Variants in CXCL13 observed in about 807,000 individuals in gnomAD.
CXCL13 encodes the protein C-X-C motif chemokine ligand 13.
In CXCL13, 7 loss-of-function variants were observed where a neutral mutation model predicts 12.2. The observed-to-expected ratio is 0.57, with a 90% CI of 0.33 to 1.07. The LOEUF (loss-of-function observed/expected upper bound fraction) is 1.07, where lower values mean the gene tolerates loss of function less well. Ranked by LOEUF, CXCL13 falls within the 50% of genes least tolerant of loss-of-function variation. The pLI is 0.04. For missense variants in CXCL13, 113 were observed against 127.4 expected (o/e 0.89, Z 0.55); for synonymous variants, 47 against 42.4 (o/e 1.11, Z -0.42).
At chr4:77,558,113 A>G (rs527549630) in intron 1 of CXCL13, among the ~76,000 whole-genome samples, 255 of 152,322 alleles carry the variant, frequency 1.7e-3, no homozygotes, top group African/African-American at 5.4e-3. Flanking sequence ...TTAGAAACCA[A>G]TACTATCTAT....
intron 1 of CXCL13, among the ~76,000 whole-genome samples, chr4:77,550,055 C>A (rs1025588753): frequency 2.6e-5 from 4 of 152,234 alleles, no homozygotes; most frequent in Non-Finnish European, 4.4e-5. Flanking sequence ...ATGGCGGACA[C>A]CCCTCTCCCA....
chr4:77,604,093 G>A (rs1169667648), upstream of CXCL13, among the ~76,000 whole-genome samples: 1 of 152,190 alleles, frequency 6.6e-6, no homozygotes, highest in Non-Finnish European at 1.5e-5. Flanking sequence ...GGCAAGGAGT[G>A]CAGTTAGCTG....
intron 1 of CXCL13, among the ~76,000 whole-genome samples, chr4:77,561,607 G>A (rs1560526597): frequency 6.6e-6 from 1 of 152,218 alleles, no homozygotes; most frequent in South Asian, 2.1e-4. Flanking sequence ...GCTTTCTGTT[G>A]CAGATGCAGC....
intron 1 of CXCL13, among the ~76,000 whole-genome samples, chr4:77,537,739 T>C (rs1356664883): frequency 6.6e-6 from 1 of 152,156 alleles, no homozygotes; most frequent in Admixed American, 6.5e-5. Flanking sequence ...ACTCCAGTTT[T>C]CCTTTGCATA....
At chr4:77,513,942 C>T (rs1312328714) in intron 1 of CXCL13, among the ~76,000 whole-genome samples, 1 of 152,072 alleles carries the variant, frequency 6.6e-6, no homozygotes, top group Non-Finnish European at 1.5e-5. Context: ...TCTCCCAGTG[C>T]TATCGCTCCC....
intron 1 of CXCL13, among the ~76,000 whole-genome samples, chr4:77,547,411 C>T (rs898893225): frequency 6.6e-6 from 1 of 152,154 alleles, no homozygotes; most frequent in Admixed American, 6.5e-5. Context: ...AATCTGGATG[C>T]TCCTGTATTG....
At chr4:77,600,153 A>G (rs1238523936) in intron 1 of CXCL13, among the ~76,000 whole-genome samples, 3 of 152,024 alleles carry the variant, frequency 2.0e-5, no homozygotes, top group African/African-American at 7.2e-5. Flanking sequence ...GGAGGCCTCT[A>G]TGAAGAAATG....
intron 1 of CXCL13, among the ~76,000 whole-genome samples, chr4:77,598,694 C>T (rs953052462): frequency 1.3e-5 from 2 of 152,144 alleles, no homozygotes; most frequent in African/African-American, 4.8e-5. Context: ...AACTTTTCTT[C>T]GTTATACACT....
At chr4:77,603,561 T>C (rs1726937152), upstream of CXCL13, among the ~76,000 whole-genome samples, 1 of 152,114 alleles carries the variant, frequency 6.6e-6, no homozygotes, top group African/African-American at 2.4e-5. Flanking sequence ...GATCAACAGG[T>C]TTCAAAAAGG....
intron 1 of CXCL13, among the ~76,000 whole-genome samples, chr4:77,517,377 T>C (rs1724451133): frequency 6.6e-6 from 1 of 152,180 alleles, no homozygotes; most frequent in Non-Finnish European, 1.5e-5. Context: ...ACTTTCTGTC[T>C]CATTGATCTG....
chr4:77,535,016 G>A (rs1178480188), intron 1 of CXCL13, among the ~76,000 whole-genome samples: 1 of 152,150 alleles, frequency 6.6e-6, no homozygotes, highest in African/African-American at 2.4e-5. Flanking sequence ...AAGATTACTG[G>A]AATTACAAAA....
intron 1 of CXCL13, among the ~76,000 whole-genome samples, chr4:77,550,051 G>T (rs998114193): frequency 3.9e-5 from 6 of 152,216 alleles, no homozygotes; most frequent in Admixed American, 2.6e-4. Context: ...AGCAATGGCG[G>T]ACACCCCTCT....
chr4:77,529,339 G>A (rs1385876174), intron 1 of CXCL13, among the ~76,000 whole-genome samples: 1 of 152,142 alleles, frequency 6.6e-6, no homozygotes, highest in Non-Finnish European at 1.5e-5. Context: ...GCTTGATGGG[G>A]ATGGCATTGA....
intron 1 of CXCL13, among the ~76,000 whole-genome samples, chr4:77,531,375 G>T (rs1724913234): frequency 4.1e-5 from 6 of 147,250 alleles, no homozygotes; most frequent in Non-Finnish European, 1.5e-5. Context: ...GCGGTGTTTG[G>T]TGGGTTCTAG....
At chr4:77,541,022 T>C (rs1374946601) in intron 1 of CXCL13, among the ~76,000 whole-genome samples, 1 of 152,222 alleles carries the variant, frequency 6.6e-6, no homozygotes, top group Non-Finnish European at 1.5e-5. Flanking sequence ...GAACATTTTT[T>C]TCATACGTTT....
chr4:77,536,506 A>G lies in CXCL13; in HGVS notation c.-43+24718A>G, dbSNP rs1275411443. Among the ~76,000 whole-genome samples, 3 of 152,236 alleles carry G rather than the reference A, an allele frequency of 2.0e-5. No homozygotes were observed. In the East Asian group the frequency reaches 5.8e-4, roughly 29 times the overall value. ...CTGTATAAATTTGGGTAGCTCCCTTATCCTCTCTGTGTTTCACTTCCCTCA... is the reference window on the plus strand; with the variant it reads ...CTGTATAAATTTGGGTAGCTCCCTTGTCCTCTCTGTGTTTCACTTCCCTCA... On this transcript the variant is annotated intron_variant, in intron 1 of 4. Coordinates refer to the CXCL13 transcript ENST00000286758.
intron 1 of CXCL13, among the ~76,000 whole-genome samples, chr4:77,596,609 AC>A (rs1726765676): frequency 1.3e-5 from 2 of 151,952 alleles, no homozygotes; most frequent in South Asian, 4.2e-4. Context: ...ACATGGTGAA[AC>A]CCCATCTCTA....
intron 1 of CXCL13, among the ~76,000 whole-genome samples, chr4:77,574,812 GA>G (rs1214940040): frequency 6.6e-6 from 1 of 151,526 alleles, no homozygotes; most frequent in Non-Finnish European, 1.5e-5. Context: ...TGGACTTAAA[GA>G]AGAATAAGTG....
chr4:77,573,573 C>A (rs1726143008), intron 1 of CXCL13, among the ~76,000 whole-genome samples: 1 of 151,752 alleles, frequency 6.6e-6, no homozygotes, highest in Non-Finnish European at 1.5e-5. Context: ...ACTAAAAATT[C>A]ATTTGTAATT....
Sources: allele counts gnomAD v4.1 joint callset (sites outside exome capture counted in the v4.1 genomes callset), GRCh38; gene constraint gnomAD v4.1.1; transcripts MANE v1.5; gene names NCBI Gene and HGNC (gene_info 2026-07-23, HGNC 2026-07-21).